VAV2: variants seen among roughly 807,000 people sequenced by gnomAD.
The protein encoded by VAV2 is vav guanine nucleotide exchange factor 2.
A neutral mutation model predicts 132.5 loss-of-function variants in VAV2; 67 were observed. The ratio of observed to expected loss-of-function variants is 0.51; its 90% confidence interval spans 0.42 to 0.62. The LOEUF is 0.62. Among genes scored for constraint, VAV2 ranks in the 20% least tolerant of loss-of-function variants. The pLI is 0.00. For synonymous variants in VAV2, 492 were observed against 443.5 expected (o/e 1.11, Z -1.37); for missense variants, 938 against 1,153.6 (o/e 0.81, Z 2.71).
Position 133,928,185 on chromosome 9 carries a change from G to C in VAV2, c.321+10918C>G, listed in dbSNP as rs932913503. Among the ~76,000 whole-genome samples, 8 of 42,746 alleles carry C rather than the reference G, an allele frequency of 1.9e-4. No homozygotes were observed. Among genetic ancestry groups the C allele is most frequent in the African/African-American group, 3.5e-4 (8 of 22,984 alleles). The allele number at this position is 42,746 out of a possible 152,430, so 28.0% of individuals were successfully genotyped here. On this transcript the variant is annotated intron_variant, in intron 2 of 29. Coordinates refer to ENST00000371850, the MANE Select transcript of VAV2 (RefSeq NM_001134398.2). This position sits in a 1 kb window ranked among gnomAD's most constrained non-coding sequence, Gnocchi z 5.4. ...TTACCGACTCCGTGTGTGTGTGTGT[G>C]TGTGCGTGCATGTGTGTATGTCTGT...
rs891704631 is a variant in VAV2 at position 133,783,722 on chromosome 9, A to G, written c.1635-131T>C. On this transcript the variant is annotated intron_variant, in intron 18 of 29. Coordinates refer to ENST00000371850, the MANE Select transcript of VAV2 (RefSeq NM_001134398.2). ...GTCTCCCAGCACACACATCCCTCAT[A>G]GCCCTGAGTATCCAGGACCCTCCCT... 10 of 759,412 alleles carry G rather than the reference A, an allele frequency of 1.3e-5. No homozygotes were observed. The Admixed American group carries it at 1.6e-4, about 12-fold the overall frequency. 47.0% of individuals were successfully genotyped at this position (759,412 alleles called of 1,614,324 possible). A position where few individuals can be genotyped will look rare whatever the true frequency, so the allele number is the denominator to read the frequency against.
At position 133,888,422 on chromosome 9, in the gene VAV2, C is replaced by T. The variant is rs116223532; in HGVS notation, c.322-26990G>A. ...AAGCAGCAGCTGCATGTGGGGGCCA[C>T]GCACACCTGGATCTTCCAGGCCTCC... On this transcript the variant is annotated intron_variant, in intron 2 of 29. Coordinates refer to ENST00000371850, the MANE Select transcript of VAV2 (RefSeq NM_001134398.2). Among the ~76,000 whole-genome samples, 1,279 of 152,324 alleles carry T rather than the reference C, an allele frequency of 8.4e-3. 18 individuals are homozygous for T. Among genetic ancestry groups the T allele is most frequent in the African/African-American group, 0.028 (1,145 of 41,576 alleles).
At chr9:133,971,725 C>G (rs994192973) in intron 1 of VAV2, among the ~76,000 whole-genome samples, 1 of 152,130 alleles carries the variant, frequency 6.6e-6, no homozygotes, top group African/African-American at 2.4e-5. Flanking sequence ...GTGGGCTGAG[C>G]CAGTCACGGG....
At chr9:133,986,703 T>TC (rs201488071) in intron 1 of VAV2, among the ~76,000 whole-genome samples, 13 of 151,906 alleles carry the variant, frequency 8.6e-5, no homozygotes, top group Admixed American at 4.6e-4. Context: ...ATAAAATCTA[T>TC]CCCCCCCAAA....
At chr9:133,764,580 G>A (rs150838258) in intron 29 of VAV2, among the ~76,000 whole-genome samples, 153 of 152,168 alleles carry the variant, frequency 1.0e-3, no homozygotes, top group African/African-American at 3.6e-3. Flanking sequence ...AACCTAAATC[G>A]GAAATCAAAT....
intron 23 of VAV2, 109 bp downstream of exon 23, chr9:133,777,280 A>T: frequency 8.9e-7 from 1 of 1,124,202 alleles, no homozygotes; most frequent in Non-Finnish European, 1.3e-6. Flanking sequence ...GCCTAAATTT[A>T]GCAAGGATGT....
chr9:133,852,455 A>C (rs1191386106), intron 3 of VAV2, among the ~76,000 whole-genome samples: 2 of 152,052 alleles, frequency 1.3e-5, no homozygotes, highest in African/African-American at 4.8e-5. Context: ...AAAAGCAATA[A>C]TAAAATCCAT....
chr9:133,873,687 C>A (rs908144249), intron 2 of VAV2, among the ~76,000 whole-genome samples: 7 of 152,222 alleles, frequency 4.6e-5, no homozygotes, highest in African/African-American at 1.7e-4. Flanking sequence ...CTGCTCCCCA[C>A]CAGGAAACTC....
chr9:133,856,411 C>CCATGCTGGTATGTGCCCACCGGGACCT (rs1243924638), intron 3 of VAV2, among the ~76,000 whole-genome samples: 34 of 145,362 alleles, frequency 2.3e-4, no homozygotes, highest in African/African-American at 9.1e-4. Flanking sequence ...AACCGGGTCC[C>CCATGCTGGTATGTGCCCACCGGGACCT]CATGCTGGTA....
intron 3 of VAV2, among the ~76,000 whole-genome samples, chr9:133,850,357 G>A (rs1417364414): frequency 6.6e-6 from 1 of 152,180 alleles, no homozygotes; most frequent in African/African-American, 2.4e-5. Flanking sequence ...CGTGACCAGT[G>A]GCCCGGTGTC....
chr9:133,763,935 C>G lies in VAV2; in HGVS notation c.*127G>C. ...TTAGGATTCTCAACACCCTCCCTAT[C>G]CCTGTGGGCAGTGGAAGACTGGGAG... On this transcript the variant is annotated 3_prime_UTR_variant, in exon 30 of 30. Transcript: ENST00000371850. The surrounding 1 kb of genome is among the most constrained non-coding windows in gnomAD (Gnocchi z 6.8). 3 of 1,153,570 alleles carry G rather than the reference C, an allele frequency of 2.6e-6. No homozygotes were observed. In the South Asian group the frequency reaches 4.0e-5, roughly 15 times the overall value. The allele number at this position is 1,153,570 out of a possible 1,614,324, so 71.5% of individuals were successfully genotyped here. A position where few individuals can be genotyped will look rare whatever the true frequency, so the allele number is the denominator to read the frequency against.
rs140452138 is a variant in VAV2, at chr9:133,876,233, GCTGTTCTGGAGAACC to G, written c.322-14816_322-14802del. On this transcript the variant is annotated intron_variant, in intron 2 of 29. Transcript: ENST00000371850. ...TATCTATCCATATGCTATCAGCGCT[GCTGTTCTGGAGAACC>G]CTGACTAATACAATATTGGAAAGGA... 2.4e-4 allele frequency among the ~76,000 whole-genome samples: 37 copies of G among 152,358 alleles called. No individual in the cohort carries two copies. In the East Asian group the frequency reaches 6.6e-3, roughly 27 times the overall value.
intron 2 of VAV2, among the ~76,000 whole-genome samples, chr9:133,881,876 A>G (rs981933318): frequency 3.9e-5 from 6 of 152,162 alleles, no homozygotes; most frequent in African/African-American, 1.4e-4. Context: ...GAGGGCGCAG[A>G]TCAGACACGC....
Position 133,783,676 on chromosome 9 carries a change from C to G in VAV2, c.1635-85G>C, listed in dbSNP as rs547906233. ...GCCAAGGTCAAGGCCCTTGTCCCCA[C>G]CCAGGCTCACCTGGCTGGCTGTCTC... is the stretch of plus-strand genomic sequence containing the variant. On this transcript the variant is annotated intron_variant, in intron 18 of 29. Coordinates refer to ENST00000371850, the MANE Select transcript of VAV2 (RefSeq NM_001134398.2). 195 of 1,215,988 alleles carry G rather than the reference C, an allele frequency of 1.6e-4. No homozygotes were observed. In the African/African-American group the frequency reaches 2.6e-3, roughly 16 times the overall value. The allele number at this position is 1,215,988 out of a possible 1,614,324, so 75.3% of individuals were successfully genotyped here.
chr9:133,823,419 G>A lies in VAV2; in HGVS notation c.449+10853C>T, dbSNP rs1401162137. On this transcript the variant is annotated intron_variant, in intron 4 of 29. Transcript: ENST00000371850. The surrounding 1 kb of genome is among the most constrained non-coding windows in gnomAD (Gnocchi z 5.5). Reference sequence around the variant, plus strand: ...AATAGGAGTTGGGCAATCGATATAGGAGATACTACGTACGTGATGGGACTT... The same window carrying A: ...AATAGGAGTTGGGCAATCGATATAGAAGATACTACGTACGTGATGGGACTT... Among the ~76,000 whole-genome samples, 1 of 152,174 alleles carries A rather than the reference G, an allele frequency of 6.6e-6. No individual in the cohort carries two copies. The highest frequency in any genetic ancestry group is 1.5e-5 in the Non-Finnish European group (1 of 68,028).
chr9:133,981,376 C>T (rs890385287), intron 1 of VAV2, among the ~76,000 whole-genome samples: 4 of 152,186 alleles, frequency 2.6e-5, no homozygotes, highest in Non-Finnish European at 5.9e-5. Flanking sequence ...CACTTGGCGG[C>T]GAGAGGGGAG....
intron 25 of VAV2, among the ~76,000 whole-genome samples, chr9:133,774,283 C>CAG (rs888245205): frequency 2.0e-5 from 3 of 152,198 alleles, no homozygotes; most frequent in Admixed American, 6.5e-5. Flanking sequence ...GCCCTACCCC[C>CAG]AGCTCCTGGT....
intron 1 of VAV2, among the ~76,000 whole-genome samples, chr9:133,955,394 C>G (rs572813436): frequency 6.8e-6 from 1 of 146,694 alleles, no homozygotes; most frequent in South Asian, 2.2e-4. Flanking sequence ...GCCCACGCTC[C>G]TCCCCACTCC....
rs1028769477 is a variant in VAV2, at chr9:133,871,533, C to T, written c.322-10101G>A. 4.6e-5 allele frequency among the ~76,000 whole-genome samples: 7 copies of T among 151,588 alleles called. No homozygotes were observed. In the East Asian group the frequency reaches 5.8e-4, roughly 13 times the overall value. ...GGATGGATGGTGGGTAGATGGATGC[C>T]GACTCAGAGAGATCCCTTTGCCCCA... is the stretch of plus-strand genomic sequence containing the variant. On this transcript the variant is annotated intron_variant, in intron 2 of 29. Coordinates refer to ENST00000371850, the MANE Select transcript of VAV2 (RefSeq NM_001134398.2).
Sources: allele counts gnomAD v4.1 joint callset (sites outside exome capture counted in the v4.1 genomes callset), GRCh38; gene constraint gnomAD v4.1.1; non-coding constraint Gnocchi (gnomAD v3.1); transcripts MANE v1.5; gene names NCBI Gene and HGNC (gene_info 2026-07-23, HGNC 2026-07-21).